Variants in TAS1R1 observed in about 807,000 individuals in gnomAD.
TAS1R1 encodes the protein taste 1 receptor member 1.
In TAS1R1, 31 loss-of-function variants were observed where a neutral mutation model predicts 45.8. The observed-to-expected ratio is 0.68, with a 90% CI of 0.51 to 0.91. TAS1R1 has a LOEUF of 0.91. Ranked by LOEUF, TAS1R1 falls within the 40% of genes least tolerant of loss-of-function variation. TAS1R1 has a pLI of 0.00. For synonymous variants in TAS1R1, 437 were observed against 448.4 expected, an observed-to-expected ratio of 0.97 and a Z score of 0.32; for missense variants, 1,051 against 1,063.9, an observed-to-expected ratio of 0.99 and a Z score of 0.17.
Position 6,556,378 on chromosome 1 carries a change from C to A in TAS1R1, c.191+814C>A, listed in dbSNP as rs1343108158. Reference sequence around the variant, plus strand: ...TAGGTAGAGGGAAACTACTGCTTTTCTTTTATTTCTATCTATCTATCTATC... The same window carrying A: ...TAGGTAGAGGGAAACTACTGCTTTTATTTTATTTCTATCTATCTATCTATC... On this transcript the variant is annotated intron_variant, in intron 1 of 5. Transcript: ENST00000333172. Among the ~76,000 whole-genome samples the A allele has an allele frequency of 5.3e-4, 48 of 91,224 alleles. 1 individual carries two copies. The highest frequency in any genetic ancestry group is 1.7e-3 in the African/African-American group (40 of 23,022). 59.8% of individuals were successfully genotyped at this position (91,224 alleles called of 152,430 possible).
chr1:6,556,391 C>CTATG, intron 1 of TAS1R1, among the ~76,000 whole-genome samples: 1 of 151,624 alleles, frequency 6.6e-6, no homozygotes, highest in Middle Eastern at 3.4e-3. Context: ...TTATTTCTAT[C>CTATG]TATCTATCTA....
intron 1 of TAS1R1, among the ~76,000 whole-genome samples, chr1:6,563,482 C>T (rs1245939483): frequency 2.0e-5 from 3 of 152,146 alleles, no homozygotes; most frequent in Non-Finnish European, 4.4e-5. Flanking sequence ...GAAAATTTAG[C>T]CAATGACTGC....
intron 1 of TAS1R1, among the ~76,000 whole-genome samples, chr1:6,560,724 T>C (rs1639767990): frequency 6.6e-6 from 1 of 152,198 alleles, no homozygotes; most frequent in Non-Finnish European, 1.5e-5. Context: ...GGCTCACGCC[T>C]GTAATCCCAG....
chr1:6,562,776 G>A (rs1359329324), intron 1 of TAS1R1, among the ~76,000 whole-genome samples: 2 of 152,244 alleles, frequency 1.3e-5, no homozygotes, highest in Admixed American at 1.3e-4. Context: ...TGGTAGGGAA[G>A]CAGACATAGG....
intron 1 of TAS1R1, among the ~76,000 whole-genome samples, chr1:6,565,188 G>A (rs1639853459): frequency 6.6e-6 from 1 of 152,142 alleles, no homozygotes; most frequent in Non-Finnish European, 1.5e-5. Context: ...AGGAGAGGAA[G>A]ATACTGCAAT....
rs1640332913 is a variant in TAS1R1 at position 6,579,648 on chromosome 1, C to T, written c.*64C>T. On this transcript the variant is annotated 3_prime_UTR_variant, in exon 6 of 6. Transcript: ENST00000333172. ...CCTGAGGGTCGAAGGTCGAGCAGGC[C>T]GGGGGTGTCCGGGAGGTCTTTGGGC... 2.0e-6 allele frequency: 3 copies of T among 1,527,996 alleles called. No homozygotes were observed. Among genetic ancestry groups the T allele is most frequent in the South Asian group, 1.3e-5 (1 of 79,232 alleles). 94.7% of individuals were successfully genotyped at this position (1,527,996 alleles called of 1,614,324 possible).
In TAS1R1 at chr1:6,574,617, G is replaced by A. The variant is rs753633954; in HGVS notation, c.499-14G>A. On this transcript the variant is annotated splice_polypyrimidine_tract_variant and intron_variant, in intron 2 of 5. Coordinates refer to ENST00000333172, the MANE Select transcript of TAS1R1 (RefSeq NM_138697.4). This position sits in a 1 kb window ranked among gnomAD's most constrained non-coding sequence, Gnocchi z 4.3. ...TCAGTGGAGACTGAAATGGCTGAAC[G>A]GGACCTCCCATAGATTAGCTATGCG... 6.3e-6 allele frequency: 10 copies of A among 1,581,134 alleles called. No individual in the cohort carries two copies. Among genetic ancestry groups the A allele is most frequent in the South Asian group, 3.5e-5 (3 of 84,718 alleles).
At chr1:6,558,298 T>A (rs1199475252) in intron 1 of TAS1R1, among the ~76,000 whole-genome samples, 3 of 152,136 alleles carry the variant, frequency 2.0e-5, no homozygotes, top group Non-Finnish European at 4.4e-5. Flanking sequence ...GTGCTAGGCC[T>A]CCCAGAGTGC....
intron 1 of TAS1R1, among the ~76,000 whole-genome samples, chr1:6,558,964 T>C (rs1412052259): frequency 2.0e-5 from 3 of 151,568 alleles, no homozygotes; most frequent in Non-Finnish European, 4.4e-5. Flanking sequence ...CGATCTCGGC[T>C]CACTGCAAGC....
chr1:6,575,347 C>A lies in TAS1R1; in HGVS notation c.1215C>A (p.Gly405=). The A allele has an allele frequency of 6.2e-7, 1 of 1,602,840 alleles. No homozygotes were observed. The highest frequency in any genetic ancestry group is 8.5e-7 in the Non-Finnish European group (1 of 1,175,424). ...AVAHGLHQLL[G]CASGACSRGR... ...CCCATGGCCTCCACCAGCTCCTGGG[C>A]TGTGCCTCTGGAGCTTGTTCCAGGG... The change falls in exon 3 of 6, where the codon GGC becomes GGA. Residue 405 remains glycine, a synonymous_variant. Transcript: ENST00000333172.
At chr1:6,577,615 A>G (rs1300729498) in intron 5 of TAS1R1, among the ~76,000 whole-genome samples, 2 of 148,250 alleles carry the variant, frequency 1.3e-5, no homozygotes, top group African/African-American at 5.0e-5. Context: ...ACCTGAGGTC[A>G]GGAGTTCGAG....
chr1:6,575,833 C>T (rs550509722), intron 3 of TAS1R1, among the ~76,000 whole-genome samples: 6 of 152,132 alleles, frequency 3.9e-5, no homozygotes, highest in South Asian at 2.1e-4. Context: ...GGTGGGACTA[C>T]GGGCGCCCGC....
chr1:6,564,613 G>A (rs1327462767), intron 1 of TAS1R1, among the ~76,000 whole-genome samples: 1 of 152,108 alleles, frequency 6.6e-6, no homozygotes, highest in African/African-American at 2.4e-5. Context: ...GTTCAGTATG[G>A]GATATGGAGG....
rs1182230931 is a variant in TAS1R1 at position 6,578,800 on chromosome 1, T to A, written c.1742T>A (p.Leu581Gln). 2.5e-6 allele frequency: 4 copies of A among 1,613,860 alleles called. No individual in the cohort carries two copies. The highest frequency in any genetic ancestry group is 2.5e-6 in the Non-Finnish European group (3 of 1,179,952). ...GCTAACACGCTGCTGCTGCTGCTGC[T>A]GCTTGGGACTGCTGGCCTGTTTGCC... ...LAANTLLLLL[L>Q]LGTAGLFAWH... Residue 581 changes from leucine to glutamine, a missense_variant, in exon 6 of 6, where the codon CTG (leucine) becomes CAG (glutamine). Leu to Gln is a moderately radical substitution (Grantham distance 113). Coordinates refer to ENST00000333172, the MANE Select transcript of TAS1R1 (RefSeq NM_138697.4).
At chr1:6,573,184 C>T (rs548815931) in intron 2 of TAS1R1, among the ~76,000 whole-genome samples, 5 of 148,264 alleles carry the variant, frequency 3.4e-5, no homozygotes, top group East Asian at 1.9e-4. Flanking sequence ...GGGCACCGGG[C>T]GCGGGGGCTC....
At chr1:6,569,649 G>A (rs968841550) in intron 1 of TAS1R1, among the ~76,000 whole-genome samples, 5 of 152,066 alleles carry the variant, frequency 3.3e-5, no homozygotes, top group African/African-American at 7.2e-5. Flanking sequence ...AGAGACTGCC[G>A]GTCAACAAGG....
intron 1 of TAS1R1, among the ~76,000 whole-genome samples, chr1:6,570,702 G>C (rs1639987076): frequency 6.6e-6 from 1 of 152,112 alleles, no homozygotes; most frequent in Non-Finnish European, 1.5e-5. Flanking sequence ...AGGACTTCAG[G>C]ACCTTTTCGA....
intron 2 of TAS1R1, among the ~76,000 whole-genome samples, chr1:6,573,002 C>G (rs1286135401): frequency 6.6e-6 from 1 of 152,220 alleles, no homozygotes; most frequent in Non-Finnish European, 1.5e-5. Context: ...TTCATCCTTT[C>G]TGGCCTCCTT....
intron 1 of TAS1R1, among the ~76,000 whole-genome samples, chr1:6,556,004 TG>T (rs1207899399): frequency 6.6e-6 from 1 of 151,094 alleles, no homozygotes; most frequent in Non-Finnish European, 1.5e-5. Flanking sequence ...CCCGAGTAGC[TG>T]GGACTACAGG....
Sources: gnomAD v4.1 joint callset for allele counts (sites outside exome capture counted in the v4.1 genomes callset) on GRCh38, gnomAD v4.1.1 for gene constraint, Gnocchi (gnomAD v3.1) non-coding constraint, MANE v1.5 for transcripts, NCBI Gene and HGNC (gene_info 2026-07-23, HGNC 2026-07-21) for gene names.